OSBPL11: variants seen among roughly 807,000 people sequenced by gnomAD.
OSBPL11 encodes oxysterol-binding protein-related protein 11.
OSBPL11 carries 33 observed loss-of-function variants against 84.4 expected under a neutral mutation model. That is an observed-to-expected ratio of 0.39 (90% CI 0.30 to 0.52). The LOEUF (loss-of-function observed/expected upper bound fraction) is 0.52. Ranked by LOEUF, OSBPL11 falls within the 20% of genes least tolerant of loss-of-function variation. The pLI, the probability that OSBPL11 is intolerant of heterozygous loss-of-function variation, is 0.72. For synonymous variants in OSBPL11, 276 were observed against 310.2 expected (o/e 0.89, Z 1.16); for missense variants, 736 against 901.1 (o/e 0.82, Z 2.35).
At position 125,530,182 on chromosome 3, in the gene OSBPL11, T is replaced by C; in HGVS notation, c.*333A>G. The stretch of plus-strand genomic sequence containing the variant: ...AATCAAAGTCACTGAGTTCTCATTG[T>C]TGTGTGTATCTGCTGCCCCTGTGCA... On this transcript the variant is annotated 3_prime_UTR_variant, in exon 13 of 13. Coordinates refer to ENST00000296220, the MANE Select transcript of OSBPL11 (RefSeq NM_022776.5). 1 of 259,942 alleles carries C rather than the reference T, an allele frequency of 3.8e-6. No individual in the cohort carries two copies. The highest frequency in any genetic ancestry group is 7.5e-5 in the East Asian group (1 of 13,352). The allele number at this position is 259,942 out of a possible 1,614,324, so 16.1% of individuals were successfully genotyped here. A position where few individuals can be genotyped will look rare whatever the true frequency, so the allele number is the denominator to read the frequency against.
rs559499323 is a variant in OSBPL11, at chr3:125,567,393, C to T, written c.868+1G>A. ...AGCCCTACCTTTAATCGACAACTTA[C>T]CTGAAGGCAATGAGCCCTTCTGATG... is the stretch of plus-strand genomic sequence containing the variant. On this transcript the variant is annotated splice_donor_variant, in intron 6 of 12. Coordinates refer to ENST00000296220, the MANE Select transcript of OSBPL11 (RefSeq NM_022776.5). LOFTEE classifies it high-confidence loss of function. 1 of 1,610,654 alleles carries T rather than the reference C, an allele frequency of 6.2e-7. No homozygotes were observed. The highest frequency in any genetic ancestry group is 8.5e-7 in the Non-Finnish European group (1 of 1,176,926).
chr3:125,562,659 G>C (rs1455874200), intron 7 of OSBPL11, among the ~76,000 whole-genome samples: 4 of 152,220 alleles, frequency 2.6e-5, no homozygotes, highest in Non-Finnish European at 5.9e-5. Flanking sequence ...GGGTGCGGTA[G>C]CTCACACCTG....
chr3:125,531,254 A>G (rs1172025374), intron 12 of OSBPL11, among the ~76,000 whole-genome samples: 5 of 150,312 alleles, frequency 3.3e-5, no homozygotes, highest in Middle Eastern at 3.5e-3. Context: ...CTGGGATTAC[A>G]GACGTGAGCC....
chr3:125,557,566 C>A (rs945618253), intron 8 of OSBPL11, among the ~76,000 whole-genome samples: 1 of 151,444 alleles, frequency 6.6e-6, no homozygotes, highest in Non-Finnish European at 1.5e-5. Context: ...TTAGTAGAGA[C>A]GGGGTTTCAC....
At chr3:125,559,979 C>T (rs563251730) in intron 8 of OSBPL11, among the ~76,000 whole-genome samples, 94 of 151,892 alleles carry the variant, frequency 6.2e-4, no homozygotes, top group African/African-American at 2.2e-3. Context: ...ATAAAAAGAC[C>T]GGCCAGGTGC....
rs529388987 is a variant in OSBPL11 at position 125,530,646 on chromosome 3, A to G, written c.2179-66T>C. ...TATCAAAATCAGTAACCAAAACTAG[A>G]AGCAACACCTTCACTGAAATGGAAT... On this transcript the variant is annotated intron_variant, in intron 12 of 12. Transcript: ENST00000296220. The G allele has an allele frequency of 5.8e-6, 7 of 1,214,298 alleles. No individual in the cohort carries two copies. In the African/African-American group the frequency reaches 1.0e-4, roughly 18 times the overall value. 75.2% of individuals were successfully genotyped at this position (1,214,298 alleles called of 1,614,324 possible).
chr3:125,552,585 T>A lies in OSBPL11; in HGVS notation c.1250A>T (p.Asn417Ile). The A allele has an allele frequency of 6.2e-7, 1 of 1,614,226 alleles. No individual in the cohort carries two copies. The highest frequency in any genetic ancestry group is 8.5e-7 in the Non-Finnish European group (1 of 1,180,046). ...SHPDLFIAITNGATAEDRMIR... is the reference protein window; with the variant it reads ...SHPDLFIAITIGATAEDRMIR... ...CATTCTGTCCTCAGCTGTGGCTCCA[T>A]TAGTGATGGCTATAAATAGGTCTGG... The change falls in exon 9 of 13, where the codon AAT (asparagine) becomes ATT (isoleucine). Residue 417 changes from asparagine (N) to isoleucine (I), a missense_variant. Coordinates refer to ENST00000296220, the MANE Select transcript of OSBPL11 (RefSeq NM_022776.5).
In OSBPL11 at chr3:125,559,402, T is replaced by C. The variant is rs77830155; in HGVS notation, c.1155+977A>G. 2.8e-3 allele frequency among the ~76,000 whole-genome samples: 424 copies of C among 152,302 alleles called. 2 individuals carry two copies. The highest frequency in any genetic ancestry group is 4.0e-3 in the Non-Finnish European group (275 of 68,024). Reference sequence around the variant, plus strand: ...CACAAGAAAGCCAGAAAGCCTTTTTTTTTAGTGATGGAGTCTCGTTCTGTT... The same window carrying C: ...CACAAGAAAGCCAGAAAGCCTTTTTCTTTAGTGATGGAGTCTCGTTCTGTT... On this transcript the variant is annotated intron_variant, in intron 8 of 12. Transcript: ENST00000296220.
intron 8 of OSBPL11, 107 bp downstream of exon 8, chr3:125,560,272 A>T (rs1038574187): frequency 1.3e-5 from 14 of 1,089,318 alleles, no homozygotes; most frequent in Middle Eastern, 3.4e-4. Flanking sequence ...AAAAAAAATT[A>T]AAATTAAAAT....
intron 5 of OSBPL11, among the ~76,000 whole-genome samples, chr3:125,571,854 G>A (rs1054226722): frequency 6.6e-6 from 1 of 152,266 alleles, no homozygotes; most frequent in Non-Finnish European, 1.5e-5. Context: ...GAGGGGAAAT[G>A]TGAGGTCAGA....
chr3:125,538,471 C>A lies in OSBPL11; in HGVS notation c.2004G>T (p.Lys668Asn). 1 of 1,613,770 alleles carries A rather than the reference C, an allele frequency of 6.2e-7. No homozygotes were observed. The highest frequency in any genetic ancestry group is 1.1e-5 in the South Asian group (1 of 91,032). Residue 668 changes from lysine to asparagine, a missense_variant, in exon 11 of 13, where the codon AAG becomes AAT. Lys to Asn is a moderately conservative substitution (Grantham distance 94). Transcript: ENST00000296220. ...CATACCTGGATTCAAATGGATCCTG[C>A]TTCTCCAGAGGTCTCACTCTTTTCT... The part of the protein sequence containing the change: ...VTKKRVRPLE[K>N]QDPFESRRLW...
intron 9 of OSBPL11, among the ~76,000 whole-genome samples, chr3:125,551,919 A>G (rs1935914830): frequency 6.6e-6 from 1 of 152,114 alleles, no homozygotes; most frequent in South Asian, 2.1e-4. Context: ...AATTGGAGCG[A>G]AAAAGTAACA....
chr3:125,550,364 G>A (rs906001384), intron 9 of OSBPL11, among the ~76,000 whole-genome samples: 5 of 138,622 alleles, frequency 3.6e-5, no homozygotes, highest in African/African-American at 1.5e-4. Context: ...GACACAGCTA[G>A]ACCGTGTCAC....
chr3:125,582,878 G>A, intron 2 of OSBPL11, 32 bp downstream of exon 2: 1 of 1,490,924 alleles, frequency 6.7e-7, no homozygotes, highest in Non-Finnish European at 9.2e-7. Flanking sequence ...TCTCTTAGGA[G>A]AGACTGATGT....
intron 1 of OSBPL11, among the ~76,000 whole-genome samples, chr3:125,584,530 G>A (rs1332886792): frequency 2.6e-5 from 4 of 152,110 alleles, no homozygotes; most frequent in African/African-American, 7.2e-5. Context: ...TTCATAATTC[G>A]CCATTTTGGG....
chr3:125,577,418 A>G (rs1041056104), intron 4 of OSBPL11, among the ~76,000 whole-genome samples: 1 of 152,212 alleles, frequency 6.6e-6, no homozygotes, highest in Non-Finnish European at 1.5e-5. Flanking sequence ...GCTCAACATG[A>G]TTAGTCATTA....
chr3:125,559,779 CAGCCTCCTGAGACGGGTTTCACCT>C (rs1936047886), intron 8 of OSBPL11, among the ~76,000 whole-genome samples: 1 of 152,110 alleles, frequency 6.6e-6, no homozygotes, highest in Non-Finnish European at 1.5e-5. Flanking sequence ...CCACCTGTCT[CAGCCTCCTGAGACGGGTTTCACCT>C]CGGCCTCCCG....
intron 10 of OSBPL11, among the ~76,000 whole-genome samples, chr3:125,542,272 C>T (rs538231273): frequency 1.3e-5 from 2 of 151,506 alleles, no homozygotes; most frequent in South Asian, 2.1e-4. Flanking sequence ...TAAAAAGTTA[C>T]GCCAATGATT....
In OSBPL11 at chr3:125,558,497, AGTTAT is replaced by A. The variant is rs373095106; in HGVS notation, c.1155+1877_1155+1881del. 1.3e-4 allele frequency among the ~76,000 whole-genome samples: 20 copies of A among 152,292 alleles called. 1 individual carries two copies. In the South Asian group the frequency reaches 2.5e-3, roughly 19 times the overall value. On this transcript the variant is annotated intron_variant, in intron 8 of 12. Coordinates refer to ENST00000296220, the MANE Select transcript of OSBPL11 (RefSeq NM_022776.5). ...GTCTGCTTCTTATGCTTTCTATTTAAGTTATATTTTCAGATGAACAGTTCGTTGGA... is the reference window on the plus strand; with the variant it reads ...GTCTGCTTCTTATGCTTTCTATTTAAATTTTCAGATGAACAGTTCGTTGGA...
Sources: gnomAD v4.1 joint callset for allele counts (sites outside exome capture counted in the v4.1 genomes callset) on GRCh38, gnomAD v4.1.1 for gene constraint, MANE v1.5 for transcripts, NCBI Gene and HGNC (gene_info 2026-07-23, HGNC 2026-07-21) for gene names.